Variants in TP73 observed in about 807,000 individuals in gnomAD.
The protein encoded by TP73 is p53-like transcription factor.
A neutral mutation model predicts 62.5 loss-of-function variants in TP73; 25 were observed. The ratio of observed to expected loss-of-function variants is 0.40; its 90% CI spans 0.29 to 0.56. The LOEUF is 0.56. Ranked by LOEUF, TP73 falls within the 20% of genes least tolerant of loss-of-function variation. TP73 has a pLI of 0.46. For missense variants in TP73, 754 were observed against 913.3 expected (o/e 0.83, Z 2.25); for synonymous variants, 423 against 377.5 (o/e 1.12, Z -1.40).
At chr1:3,729,853 G>A in intron 10 of TP73, 147 bp from the exon 11 acceptor site, 5 of 1,207,678 alleles carry the variant, frequency 4.1e-6, no homozygotes, top group Non-Finnish European at 5.7e-6. Context: ...GCCATGGTTG[G>A]GGACAGGGAG....
intron 11 of TP73, among the ~76,000 whole-genome samples, chr1:3,730,705 G>A (rs556391451): frequency 2.0e-5 from 3 of 152,268 alleles, no homozygotes; most frequent in Admixed American, 6.5e-5. Flanking sequence ...CCAGTGCCCC[G>A]TACGCACGGT....
Position 3,733,053 on chromosome 1 carries a change from G to T in TP73, c.1885G>T (p.Glu629Ter), listed in dbSNP as rs1244099689. The stretch of plus-strand genomic sequence containing the variant: ...GGCCCGCAAGCAGCCCATCAAGGAG[G>T]AGTTCACGGAGGCCGAGATCCACTG... ...CKARKQPIKE[E>*]FTEAEIH is the part of the protein sequence containing the mutation. Residue 629 changes from glutamate to a stop codon, truncating the protein, a stop_gained, in exon 14 of 14, where the codon GAG (glutamate) becomes TAG (stop). Transcript: ENST00000378295. LOFTEE classifies it high-confidence loss of function. The T allele has an allele frequency of 6.5e-7, 1 of 1,538,884 alleles. No individual in the cohort carries two copies. Among genetic ancestry groups the T allele is most frequent in the East Asian group, 2.4e-5 (1 of 40,950 alleles).
chr1:3,699,159 G>A lies in TP73; in HGVS notation c.187-8390G>A, dbSNP rs930397617. Among the ~76,000 whole-genome samples the A allele has an allele frequency of 3.9e-5, 6 of 152,150 alleles. No individual in the cohort carries two copies. Among genetic ancestry groups the A allele is most frequent in the Non-Finnish European group, 8.8e-5 (6 of 68,018 alleles). On this transcript the variant is annotated intron_variant, in intron 3 of 13. Coordinates refer to ENST00000378295, the MANE Select transcript of TP73 (RefSeq NM_005427.4). This position sits in a 1 kb window ranked among gnomAD's most constrained non-coding sequence, Gnocchi z 4.1. Reference sequence around the variant, plus strand: ...GGAGGCTTCCCCCCAGCCGCATGTCGAATCTTGTTGGCATTTCCATTCGTT... The same window carrying A: ...GGAGGCTTCCCCCCAGCCGCATGTCAAATCTTGTTGGCATTTCCATTCGTT...
rs1463567688 is a variant in TP73 at position 3,663,531 on chromosome 1, C to T, written c.-34+10890C>T. Among the ~76,000 whole-genome samples the T allele has an allele frequency of 2.6e-5, 4 of 151,878 alleles. No individual in the cohort carries two copies. Among genetic ancestry groups the T allele is most frequent in the Admixed American group, 6.6e-5 (1 of 15,258 alleles). On this transcript the variant is annotated intron_variant, in intron 1 of 13. Coordinates refer to ENST00000378295, the MANE Select transcript of TP73 (RefSeq NM_005427.4). The surrounding 1 kb of genome is among the most constrained non-coding windows in gnomAD (Gnocchi z 4.7). ...GAGATCGAGACTATACTGGCTCACA[C>T]GGTGAAACCCCATCTCTACTAAAAA... is the stretch of plus-strand genomic sequence containing the variant.
intron 1 of TP73, among the ~76,000 whole-genome samples, chr1:3,674,745 G>T (rs1037964515): frequency 6.6e-6 from 1 of 152,222 alleles, no homozygotes; most frequent in Non-Finnish European, 1.5e-5. Flanking sequence ...TCTTGCGGTG[G>T]CTGGAGGGGA....
At chr1:3,693,729 C>T (rs1023597317) in intron 3 of TP73, among the ~76,000 whole-genome samples, 1 of 146,972 alleles carries the variant, frequency 6.8e-6, no homozygotes, top group Non-Finnish European at 1.5e-5. Flanking sequence ...TCCTGCAATC[C>T]CAGCCCTGCA....
rs769679126 is a variant in TP73, at chr1:3,732,732, G to A, written c.1579-15G>A. 10 of 1,551,418 alleles carry A rather than the reference G, an allele frequency of 6.4e-6. No homozygotes were observed. The highest frequency in any genetic ancestry group is 2.3e-5 in the East Asian group (1 of 44,248). ...CTCCACTGCCCCCTGCCCCTAATGC[G>A]CCGGCCTCTCGCAGGACCTGGGGGC... is the stretch of plus-strand genomic sequence containing the variant. On this transcript the variant is annotated splice_polypyrimidine_tract_variant and intron_variant, in intron 13 of 13. Coordinates refer to ENST00000378295, the MANE Select transcript of TP73 (RefSeq NM_005427.4).
chr1:3,673,520 C>T (rs1371803409), intron 1 of TP73, among the ~76,000 whole-genome samples: 2 of 152,206 alleles, frequency 1.3e-5, no homozygotes, highest in Non-Finnish European at 2.9e-5. Context: ...CTACAATTAT[C>T]TCCATTTTAC....
intron 1 of TP73, among the ~76,000 whole-genome samples, chr1:3,657,497 C>T (rs187101721): frequency 2.6e-5 from 4 of 152,352 alleles, no homozygotes; most frequent in African/African-American, 9.6e-5. Context: ...ACCCTGATTC[C>T]AAATAACATC....
chr1:3,691,017 G>A (rs1645808689), intron 3 of TP73: 1 of 1,544,956 alleles, frequency 6.5e-7, no homozygotes. Flanking sequence ...GTAGGGTTCA[G>A]AGGGGCATCC....
At chr1:3,661,290 A>G (rs962809994) in intron 1 of TP73, among the ~76,000 whole-genome samples, 1 of 152,340 alleles carries the variant, frequency 6.6e-6, no homozygotes, top group East Asian at 1.9e-4. Context: ...TCAAAATGTC[A>G]AAAGGTTGAA....
At chr1:3,656,004 C>T (rs982959030) in intron 1 of TP73, among the ~76,000 whole-genome samples, 2 of 152,046 alleles carry the variant, frequency 1.3e-5, no homozygotes, top group Non-Finnish European at 2.9e-5. Flanking sequence ...GGTGAAACCC[C>T]GTCTCTACTA....
At chr1:3,690,737 T>C in intron 3 of TP73, 1 of 1,443,106 alleles carries the variant, frequency 6.9e-7, no homozygotes. Context: ...ACGGCCCGCA[T>C]GTTCCCCAGC....
chr1:3,657,595 A>G (rs1301255333), intron 1 of TP73, among the ~76,000 whole-genome samples: 1 of 152,176 alleles, frequency 6.6e-6, no homozygotes, highest in Non-Finnish European at 1.5e-5. Flanking sequence ...ATTTTGCTTC[A>G]TGTATTTAAA....
In TP73 at chr1:3,699,072, G is replaced by T. The variant is rs1270378638; in HGVS notation, c.187-8477G>T. 6.6e-6 allele frequency among the ~76,000 whole-genome samples: 1 copy of T among 152,136 alleles called. No individual in the cohort carries two copies. The highest frequency in any genetic ancestry group is 1.5e-5 in the Non-Finnish European group (1 of 68,010). ...GTGGGTGAGAGCACAGGGTGCTGTG[G>T]GTGAGAGCAGAGGGTGCTGTGGATG... On this transcript the variant is annotated intron_variant, in intron 3 of 13. Coordinates refer to ENST00000378295, the MANE Select transcript of TP73 (RefSeq NM_005427.4). This position sits in a 1 kb window ranked among gnomAD's most constrained non-coding sequence, Gnocchi z 4.1.
At chr1:3,674,719 C>T (rs1050578844) in intron 1 of TP73, among the ~76,000 whole-genome samples, 5 of 152,352 alleles carry the variant, frequency 3.3e-5, no homozygotes, top group Admixed American at 1.3e-4. Context: ...GCCTGCCAAG[C>T]GAGAGCGGCC....
intron 3 of TP73, among the ~76,000 whole-genome samples, chr1:3,685,015 A>T (rs2102102799): frequency 6.6e-6 from 1 of 152,130 alleles, no homozygotes; most frequent in African/African-American, 2.4e-5. Flanking sequence ...CGTGTCCTCC[A>T]ATCTGGGGAG....
rs2273953 is a variant in TP73, at chr1:3,682,336, G to T, written c.-30G>T. 426 of 1,495,916 alleles carry T rather than the reference G, an allele frequency of 2.8e-4. 2 individuals carry two copies. In the Middle Eastern group the frequency reaches 9.1e-3, roughly 32 times the overall value. The allele number at this position is 1,495,916 out of a possible 1,614,324, so 92.7% of individuals were successfully genotyped here. Reference sequence around the variant, plus strand: ...TGTCATTCCTTCCTTCCTGCAGAGCGAGCTGCCCTCGGAGGCCGGCGTGGG... The same window carrying T: ...TGTCATTCCTTCCTTCCTGCAGAGCTAGCTGCCCTCGGAGGCCGGCGTGGG... On this transcript the variant is annotated 5_prime_UTR_variant, in exon 2 of 14. Coordinates refer to ENST00000378295, the MANE Select transcript of TP73 (RefSeq NM_005427.4).
chr1:3,708,935 C>T (rs1045589106), intron 4 of TP73, among the ~76,000 whole-genome samples: 1 of 152,188 alleles, frequency 6.6e-6, no homozygotes, highest in South Asian at 2.1e-4. Context: ...GCAGGGCGGC[C>T]GCATTCCCAC....
Sources: gnomAD v4.1 joint callset for allele counts (sites outside exome capture counted in the v4.1 genomes callset) on GRCh38, gnomAD v4.1.1 for gene constraint, Gnocchi (gnomAD v3.1) non-coding constraint, MANE v1.5 for transcripts, NCBI Gene and HGNC (gene_info 2026-07-23, HGNC 2026-07-21) for gene names.